The following PRCC variants were observed in gnomAD, a reference collection of about 807,000 sequenced individuals.
The protein encoded by PRCC is proline-rich protein PRCC.
Under a neutral mutation model 44.0 loss-of-function variants are expected in PRCC, and 10 were observed. The ratio of observed to expected loss-of-function variants is 0.23; its 90% CI spans 0.14 to 0.39. The LOEUF is 0.39. PRCC is among the 10% of genes least tolerant of loss of function. PRCC has a pLI of 1.00. For synonymous variants in PRCC, 278 were observed against 259.5 expected, an observed-to-expected ratio of 1.07 and a Z score of -0.69; for missense variants, 573 against 624.7, an observed-to-expected ratio of 0.92 and a Z score of 0.88.
At chr1:156,784,041 G>T (rs1266224019) in intron 2 of PRCC, among the ~76,000 whole-genome samples, 4 of 151,802 alleles carry the variant, frequency 2.6e-5, no homozygotes, top group African/African-American at 9.7e-5. Context: ...CCGCCTCCTG[G>T]GTTCACGCCA....
At chr1:156,795,800 TTCAG>T (rs980544119) in intron 5 of PRCC, 47 of 152,356 alleles carry the variant, frequency 3.1e-4, no homozygotes, top group African/African-American at 1.1e-3. Context: ...CCTAGTTTTC[TTCAG>T]TCAGTATGAT....
rs573967863 is a variant in PRCC, at chr1:156,781,019, C to T, written c.469-1263C>T. Among the ~76,000 whole-genome samples, 17 of 152,272 alleles carry T rather than the reference C, an allele frequency of 1.1e-4. No homozygotes were observed. The South Asian group carries it at 2.5e-3, about 22-fold the overall frequency. On this transcript the variant is annotated intron_variant, in intron 1 of 6. Coordinates refer to ENST00000271526, the MANE Select transcript of PRCC (RefSeq NM_005973.5). Reference sequence around the variant, plus strand: ...ACTGAGTTACAGGTGTGAGCCACTGCGCCCGGCCTTATACTACCTTTTATT... The same window carrying T: ...ACTGAGTTACAGGTGTGAGCCACTGTGCCCGGCCTTATACTACCTTTTATT...
intron 1 of PRCC, among the ~76,000 whole-genome samples, chr1:156,772,912 C>CA (rs1379299569): frequency 6.6e-6 from 1 of 152,184 alleles, no homozygotes; most frequent in Non-Finnish European, 1.5e-5. Context: ...CCTGAAAACA[C>CA]AGTTTGTGAG....
intron 3 of PRCC, chr1:156,791,237 T>C: frequency 9.0e-7 from 1 of 1,109,278 alleles, no homozygotes; most frequent in Non-Finnish European, 1.3e-6. Flanking sequence ...TTTAGACTGT[T>C]TCCCTGTATC....
rs1424202392 is a variant in PRCC at position 156,773,887 on chromosome 1, T to C, written c.468+5648T>C. ...ACAAATGAATAGGTAAAATGTGGTATGTGCACACGTTAGGATATTATTCAA... is the reference window on the plus strand; with the variant it reads ...ACAAATGAATAGGTAAAATGTGGTACGTGCACACGTTAGGATATTATTCAA... On this transcript the variant is annotated intron_variant, in intron 1 of 6. Coordinates refer to ENST00000271526, the MANE Select transcript of PRCC (RefSeq NM_005973.5). Among the ~76,000 whole-genome samples the C allele has an allele frequency of 1.4e-4, 21 of 152,212 alleles. 2 individuals are homozygous for C. The highest frequency in any genetic ancestry group is 1.2e-3 in the Admixed American group (19 of 15,276).
intron 5 of PRCC, among the ~76,000 whole-genome samples, chr1:156,795,015 G>T (rs908223144): frequency 6.6e-6 from 1 of 152,142 alleles, no homozygotes. Context: ...CAGCTCTGCA[G>T]CTGGATGGGG....
intron 1 of PRCC, among the ~76,000 whole-genome samples, chr1:156,775,738 T>C (rs1373875298): frequency 3.9e-5 from 6 of 152,172 alleles, no homozygotes; most frequent in Non-Finnish European, 8.8e-5. Flanking sequence ...CTCGAACTCC[T>C]GATCTTGTGA....
intron 2 of PRCC, among the ~76,000 whole-genome samples, chr1:156,784,302 T>C (rs1361838953): frequency 2.0e-5 from 3 of 152,172 alleles, no homozygotes; most frequent in African/African-American, 7.2e-5. Context: ...GTTGGCGTGC[T>C]GAGACTGAGC....
chr1:156,789,463 G>A (rs1298318209), intron 3 of PRCC, among the ~76,000 whole-genome samples: 2 of 152,194 alleles, frequency 1.3e-5, no homozygotes, highest in Non-Finnish European at 2.9e-5. Context: ...TGTGGATGAT[G>A]AGGATAAGGG....
intron 6 of PRCC, among the ~76,000 whole-genome samples, chr1:156,798,922 T>C (rs1440263634): frequency 6.6e-6 from 1 of 151,922 alleles, no homozygotes; most frequent in East Asian, 1.9e-4. Flanking sequence ...TACTGTGATA[T>C]GCAACATACT....
In PRCC at chr1:156,786,811, G is replaced by A. The variant is rs144879598; in HGVS notation, c.720G>A (p.Pro240=). The A allele has an allele frequency of 2.5e-4, 410 of 1,614,152 alleles. No homozygotes were observed. Among genetic ancestry groups the A allele is most frequent in the East Asian group, 8.7e-4 (39 of 44,888 alleles). The part of the protein sequence containing the change: ...APVVGTTTTT[P]SPSAIKAAAK... ...TTGTGGGCACCACAACCACCACTCC[G>A]TCGCCCTCTGCTATCAAGGCTGCTG... Residue 240 remains proline, a synonymous_variant, in exon 3 of 7, where the codon CCG becomes CCA. Coordinates refer to ENST00000271526, the MANE Select transcript of PRCC (RefSeq NM_005973.5).
In PRCC at chr1:156,767,536, G is replaced by T; in HGVS notation, c.-236G>T. ...AAGGAGGAGGCGGAGTGACTCGGCG[G>T]CCATTAGCTGTGTGTAGTTGCCCGG... On this transcript the variant is annotated 5_prime_UTR_variant, in exon 1 of 7. Transcript: ENST00000271526. 1.9e-6 allele frequency: 1 copy of T among 538,180 alleles called. No individual in the cohort carries two copies. Among genetic ancestry groups the T allele is most frequent in the Non-Finnish European group, 3.3e-6 (1 of 305,266 alleles). 33.3% of individuals were successfully genotyped at this position (538,180 alleles called of 1,614,324 possible).
At chr1:156,790,970 A>G (rs894380096) in intron 3 of PRCC, 2 of 599,718 alleles carry the variant, frequency 3.3e-6, no homozygotes, top group African/African-American at 3.8e-5. Context: ...AATTAGGAAA[A>G]AGTATAGGCA....
Position 156,791,735 on chromosome 1 carries a change from G to C in PRCC, c.1122G>C (p.Pro374=), listed in dbSNP as rs139043341. The change falls in exon 4 of 7, where the codon CCG becomes CCC. Residue 374 remains proline (P), a synonymous_variant. Transcript: ENST00000271526. ...YSGGYYPAQD[P]ALVPPQEIAP... The stretch of plus-strand genomic sequence containing the variant: ...GTGGCTACTATCCTGCACAGGACCC[G>C]GCCCTGGTCCCCCCCCAGGAAATTG... 1.2e-6 allele frequency: 2 copies of C among 1,613,766 alleles called. No individual in the cohort carries two copies. The highest frequency in any genetic ancestry group is 1.7e-6 in the Non-Finnish European group (2 of 1,179,982).
At chr1:156,772,467 T>G (rs551974761) in intron 1 of PRCC, among the ~76,000 whole-genome samples, 3 of 152,344 alleles carry the variant, frequency 2.0e-5, no homozygotes, top group African/African-American at 4.8e-5. Flanking sequence ...CGTCCTTTCT[T>G]TTTCCCTTCT....
rs112874956 is a variant in PRCC at position 156,767,914 on chromosome 1, C to G, written c.143C>G (p.Pro48Arg). 1.3e-6 allele frequency: 2 copies of G among 1,599,688 alleles called. No individual in the cohort carries two copies. The highest frequency in any genetic ancestry group is 4.5e-5 in the East Asian group (2 of 44,326). The stretch of plus-strand genomic sequence containing the variant: ...GCTTCTCTCCCTGCGCCCAAGGGTC[C>G]GGCCTTGCTGCCTCCGCCCCCTCAG... ...LFASLPAPKG[P>R]ALLPPPPQML... is the part of the protein sequence containing the mutation. Residue 48 changes from proline (P) to arginine (R), a missense_variant, in exon 1 of 7, where the codon CCG becomes CGG. Transcript: ENST00000271526.
At position 156,783,635 on chromosome 1, in the gene PRCC, A is replaced by G. The variant is rs1278025528; in HGVS notation, c.516+1306A>G. On this transcript the variant is annotated intron_variant, in intron 2 of 6. Coordinates refer to ENST00000271526, the MANE Select transcript of PRCC (RefSeq NM_005973.5). Reference sequence around the variant, plus strand: ...GTGACAGGTGCCTATAGTCCCAGCTACTCGGGAGGCTGAGGCAGGAGAATC... The same window carrying G: ...GTGACAGGTGCCTATAGTCCCAGCTGCTCGGGAGGCTGAGGCAGGAGAATC... Among the ~76,000 whole-genome samples, 7 of 152,110 alleles carry G rather than the reference A, an allele frequency of 4.6e-5. No individual in the cohort carries two copies. The East Asian group carries it at 1.4e-3, about 29-fold the overall frequency.
Position 156,800,362 on chromosome 1 carries a change from T to A in PRCC, c.1390-12T>A. 6.2e-7 allele frequency: 1 copy of A among 1,613,990 alleles called. No homozygotes were observed. Among genetic ancestry groups the A allele is most frequent in the Non-Finnish European group, 8.5e-7 (1 of 1,179,896 alleles). ...CAGTTTGACCCTCCCCTACCCTTCT[T>A]CCTTGCCACAGGCCAAGGAGCGGGA... On this transcript the variant is annotated splice_polypyrimidine_tract_variant and intron_variant, in intron 6 of 6. Transcript: ENST00000271526.
chr1:156,792,590 AT>A (rs1652530056), intron 4 of PRCC, among the ~76,000 whole-genome samples: 1 of 152,112 alleles, frequency 6.6e-6, no homozygotes, highest in Admixed American at 6.6e-5. Context: ...AGTAGCTGGG[AT>A]TACAGGCATG....
Sources: gnomAD v4.1 joint callset for allele counts (sites outside exome capture counted in the v4.1 genomes callset) on GRCh38, gnomAD v4.1.1 for gene constraint, MANE v1.5 for transcripts, NCBI Gene and HGNC (gene_info 2026-07-23, HGNC 2026-07-21) for gene names.